Variants in MFSD11 observed in about 807,000 individuals in gnomAD.
The protein encoded by MFSD11 is major facilitator superfamily domain containing 11, also known as UNC93-like protein MFSD11.
Under a neutral mutation model 53.5 loss-of-function variants are expected in MFSD11, and 36 were observed. The ratio of observed to expected loss-of-function variants is 0.67; its 90% CI spans 0.52 to 0.89. The LOEUF is 0.89. Ranked by LOEUF, MFSD11 falls within the 40% of genes least tolerant of loss-of-function variation. The pLI, the probability that MFSD11 is intolerant of heterozygous loss-of-function variation, is 0.00. For synonymous variants in MFSD11, 186 were observed against 184.9 expected (o/e 1.01, Z -0.05); for missense variants, 530 against 543.9 (o/e 0.97, Z 0.25).
At chr17:76,740,321 G>A (rs1041875279) in intron 2 of MFSD11, among the ~76,000 whole-genome samples, 1 of 151,986 alleles carries the variant, frequency 6.6e-6, no homozygotes. Flanking sequence ...ACCACACTTC[G>A]TACAAGACAT....
At chr17:76,766,779 A>G (rs1259507182) in intron 8 of MFSD11, among the ~76,000 whole-genome samples, 2 of 152,246 alleles carry the variant, frequency 1.3e-5, no homozygotes, top group African/African-American at 4.8e-5. Context: ...ATAGGTTCCA[A>G]AAAAGTCAGT....
rs772516208 is a variant in MFSD11, at chr17:76,738,994, G to A, written c.152+1G>A. 1 of 1,610,420 alleles carries A rather than the reference G, an allele frequency of 6.2e-7. No individual in the cohort carries two copies. Among genetic ancestry groups the A allele is most frequent in the African/African-American group, 1.3e-5 (1 of 74,832 alleles). On this transcript the variant is annotated splice_donor_variant, in intron 2 of 12. Transcript: ENST00000685175. LOFTEE classifies it high-confidence loss of function. ...ATTTTCACGGCAGTGGATATACCAG[G>A]TATTGTACCGTATGATTGATTTTGC... is the stretch of plus-strand genomic sequence containing the variant.
At chr17:76,750,857 G>T (rs571625948) in intron 7 of MFSD11, among the ~76,000 whole-genome samples, 1 of 150,262 alleles carries the variant, frequency 6.7e-6, no homozygotes, top group African/African-American at 2.5e-5. Flanking sequence ...AGGCTGGAGT[G>T]CAGTGACACG....
upstream of MFSD11, chr17:76,737,308 G>C (rs549741156): frequency 2.2e-5 from 25 of 1,158,364 alleles, no homozygotes; most frequent in South Asian, 1.7e-4. Flanking sequence ...GGGCTCCGCA[G>C]GCTAGCGCAC....
Position 76,738,318 on chromosome 17 carries a change from C to T in MFSD11, c.-35C>T. On this transcript the variant is annotated 5_prime_UTR_variant, in exon 1 of 13. Coordinates refer to ENST00000685175, the MANE Select transcript of MFSD11 (RefSeq NM_001242532.5). ...GCTTCGCCCCGAGGAGAGCTGACTG[C>T]CCTGGGCTGCTGCCTCCGGCAGAGC... 4.1e-6 allele frequency: 6 copies of T among 1,466,358 alleles called. No individual in the cohort carries two copies. The highest frequency in any genetic ancestry group is 5.7e-6 in the Non-Finnish European group (6 of 1,046,302). The allele number at this position is 1,466,358 out of a possible 1,614,324, so 90.8% of individuals were successfully genotyped here. A position where few individuals can be genotyped will look rare whatever the true frequency, so the allele number is the denominator to read the frequency against.
At chr17:76,741,775 G>A (rs1011350468) in intron 3 of MFSD11, among the ~76,000 whole-genome samples, 194 bp from the exon 4 acceptor site, 2 of 152,160 alleles carry the variant, frequency 1.3e-5, no homozygotes, top group African/African-American at 4.8e-5. Context: ...GCAATGGAGT[G>A]AGACCCTGTC....
intron 7 of MFSD11, among the ~76,000 whole-genome samples, chr17:76,749,655 G>A (rs898545943): frequency 6.6e-6 from 1 of 152,114 alleles, no homozygotes; most frequent in African/African-American, 2.4e-5. Flanking sequence ...ACTTTGGGAG[G>A]CCGAGGTGGG....
upstream of MFSD11, chr17:76,737,014 G>C (rs759702439): frequency 6.2e-7 from 1 of 1,613,454 alleles, no homozygotes; most frequent in Admixed American, 1.7e-5. Context: ...CCTTGGTGTA[G>C]CGGTCCCGCG....
At chr17:76,764,913 C>T (rs1016211320) in intron 8 of MFSD11, among the ~76,000 whole-genome samples, 1 of 152,230 alleles carries the variant, frequency 6.6e-6, no homozygotes, top group Non-Finnish European at 1.5e-5. Flanking sequence ...CTTTCCTCCA[C>T]ATCCTCACCA....
intron 9 of MFSD11, chr17:76,769,437 C>T (rs557209800): frequency 1.9e-5 from 4 of 212,716 alleles, no homozygotes; most frequent in South Asian, 8.3e-5. Flanking sequence ...CTAATCACAT[C>T]GAGAGGGCTC....
intron 12 of MFSD11, among the ~76,000 whole-genome samples, chr17:76,777,915 G>A (rs1460747048): frequency 6.6e-6 from 1 of 152,276 alleles, no homozygotes; most frequent in Non-Finnish European, 1.5e-5. Flanking sequence ...CTGGGCTCAA[G>A]CATTTCTCCC....
chr17:76,764,270 A>G lies in MFSD11; in HGVS notation c.683-3116A>G, dbSNP rs150846956. Among the ~76,000 whole-genome samples the G allele has an allele frequency of 9.8e-4, 149 of 152,282 alleles. 1 individual carries two copies. Among genetic ancestry groups the G allele is most frequent in the African/African-American group, 3.2e-3 (135 of 41,562 alleles). On this transcript the variant is annotated intron_variant, in intron 8 of 12. Coordinates refer to ENST00000685175, the MANE Select transcript of MFSD11 (RefSeq NM_001242532.5). ...TTTTGCATGTGTAATGAGAACATTT[A>G]AGATCTACTTTCCAACCAAATTTCA...
chr17:76,771,028 G>A (rs1054559768), intron 10 of MFSD11, among the ~76,000 whole-genome samples: 1 of 152,186 alleles, frequency 6.6e-6, no homozygotes, highest in Non-Finnish European at 1.5e-5. Flanking sequence ...AACATAAGGA[G>A]ACCCTGTCTC....
intron 6 of MFSD11, 114 bp downstream of exon 6, chr17:76,743,570 A>T (rs1480548269): frequency 3.5e-6 from 2 of 566,142 alleles, no homozygotes; most frequent in South Asian, 7.8e-5. Context: ...CCGACACCTC[A>T]AGTTCTCGCA....
chr17:76,744,495 T>G (rs376329540), intron 7 of MFSD11, 29 bp downstream of exon 7: 14 of 1,589,856 alleles, frequency 8.8e-6, no homozygotes, highest in Non-Finnish European at 1.0e-5. Flanking sequence ...TCTATTTTAT[T>G]TTAAAATAGA....
the MFSD11 span, among the ~76,000 whole-genome samples, chr17:76,798,857 G>T: frequency 1.3e-5 from 2 of 151,380 alleles, no homozygotes; most frequent in Admixed American, 1.3e-4. Flanking sequence ...GCAAAGCCCC[G>T]TCTCTACGAA....
At chr17:76,803,023 G>A in the MFSD11 span, among the ~76,000 whole-genome samples, 1 of 152,284 alleles carries the variant, frequency 6.6e-6, no homozygotes, top group East Asian at 1.9e-4. Context: ...CGGGCGTGGT[G>A]GCAGGCACCT....
chr17:76,739,047 C>A, intron 2 of MFSD11, 54 bp downstream of exon 2: 1 of 1,350,630 alleles, frequency 7.4e-7, no homozygotes. Flanking sequence ...TTGCTTAAAT[C>A]TCATCAGAAT....
At position 76,776,637 on chromosome 17, in the gene MFSD11, T is replaced by C; in HGVS notation, c.1185+96T>C. 8.6e-7 allele frequency: 1 copy of C among 1,169,308 alleles called. No homozygotes were observed. The allele number at this position is 1,169,308 out of a possible 1,614,324, so 72.4% of individuals were successfully genotyped here. On this transcript the variant is annotated intron_variant, in intron 12 of 12. Coordinates refer to ENST00000685175, the MANE Select transcript of MFSD11 (RefSeq NM_001242532.5). The surrounding 1 kb of genome is among the most constrained non-coding windows in gnomAD (Gnocchi z 4.2). Reference sequence around the variant, plus strand: ...GTTACTTGTATTGTGGTTTTAATTTTTATTTATTTATTTTTATTTTTTTGA... The same window carrying C: ...GTTACTTGTATTGTGGTTTTAATTTCTATTTATTTATTTTTATTTTTTTGA...
Sources: allele counts gnomAD v4.1 joint callset (sites outside exome capture counted in the v4.1 genomes callset), GRCh38; gene constraint gnomAD v4.1.1; non-coding constraint Gnocchi (gnomAD v3.1); transcripts MANE v1.5; gene names NCBI Gene and HGNC (gene_info 2026-07-23, HGNC 2026-07-21).